CSMD1: variants seen among roughly 807,000 people sequenced by gnomAD.
CSMD1 encodes the protein CUB and sushi domain-containing protein 1.
A neutral mutation model predicts 417.5 loss-of-function variants in CSMD1; 213 were observed. That is an observed-to-expected ratio of 0.51 (90% CI 0.46 to 0.57). The LOEUF (loss-of-function observed/expected upper bound fraction) is 0.57. Among genes scored for constraint, CSMD1 ranks in the 20% least tolerant of loss-of-function variants. The probability of loss-of-function intolerance (pLI) is 0.00; values close to 1 mark genes in which losing one functional copy is unlikely to be tolerated. For synonymous variants in CSMD1, 2,862 were observed against 1,736.8 expected (o/e 1.65, Z -16.11); for missense variants, 6,923 against 4,529.7 (o/e 1.53, Z -15.17).
intron 5 of CSMD1, among the ~76,000 whole-genome samples, chr8:3,823,945 C>G (rs982987704): frequency 1.2e-4 from 18 of 152,102 alleles, no homozygotes; most frequent in African/African-American, 4.3e-4. Context: ...TAATTTTATA[C>G]AAACAGATCA....
At chr8:4,210,721 C>T (rs1015941208) in intron 3 of CSMD1, among the ~76,000 whole-genome samples, 30 of 152,074 alleles carry the variant, frequency 2.0e-4, no homozygotes, top group Non-Finnish European at 1.5e-5. Context: ...ATGTTAAACA[C>T]TAAAAATCAC....
intron 5 of CSMD1, among the ~76,000 whole-genome samples, chr8:3,924,769 T>C (rs924560272): frequency 7.0e-6 from 1 of 141,874 alleles, no homozygotes; most frequent in African/African-American, 2.4e-5. Flanking sequence ...CTTGTTTTTC[T>C]GGTACTCTTC....
At chr8:3,113,402 G>A (rs1352452665) in intron 42 of CSMD1, 1 of 152,280 alleles carries the variant, frequency 6.6e-6, no homozygotes, top group Non-Finnish European at 1.5e-5. Flanking sequence ...TGCTGGGCAA[G>A]ACAGTGAAGG....
intron 1 of CSMD1, among the ~76,000 whole-genome samples, chr8:4,774,092 G>A (rs747318233): frequency 6.6e-6 from 1 of 152,176 alleles, no homozygotes; most frequent in South Asian, 2.1e-4. Flanking sequence ...AGCTACTCAG[G>A]AGGCTGAGGC....
intron 3 of CSMD1, among the ~76,000 whole-genome samples, chr8:4,329,991 C>T (rs1274237384): frequency 1.3e-5 from 2 of 152,076 alleles, no homozygotes; most frequent in Non-Finnish European, 2.9e-5. Flanking sequence ...CAAGCAGATG[C>T]CAGCACCATG....
intron 2 of CSMD1, among the ~76,000 whole-genome samples, chr8:4,466,622 T>A (rs990248822): frequency 3.3e-5 from 5 of 152,198 alleles, no homozygotes; most frequent in African/African-American, 9.6e-5. Flanking sequence ...CCAGTTCAAT[T>A]TTTTGACTTT....
At chr8:3,037,793 G>A (rs1312890657) in intron 50 of CSMD1, among the ~76,000 whole-genome samples, 1 of 152,152 alleles carries the variant, frequency 6.6e-6, no homozygotes, top group African/African-American at 2.4e-5. Flanking sequence ...AGTAATTTAT[G>A]GGCTCACCTG....
chr8:4,959,462 G>C (rs1237363595), intron 1 of CSMD1, among the ~76,000 whole-genome samples: 3 of 152,204 alleles, frequency 2.0e-5, no homozygotes, highest in Non-Finnish European at 2.9e-5. Context: ...TGCACAGAGA[G>C]GCAACGCCCT....
chr8:4,053,649 T>C (rs766035064), intron 3 of CSMD1, among the ~76,000 whole-genome samples: 12 of 152,144 alleles, frequency 7.9e-5, no homozygotes, highest in African/African-American at 2.9e-4. Context: ...TAGAGTGTCA[T>C]ATACATAGAA....
At chr8:2,974,191 A>G (rs1440014988) in intron 56 of CSMD1, among the ~76,000 whole-genome samples, 1 of 152,206 alleles carries the variant, frequency 6.6e-6, no homozygotes, top group Non-Finnish European at 1.5e-5. Flanking sequence ...ATGGCCGGCA[A>G]GCGTCCTCTC....
At chr8:3,860,290 A>G (rs1804610769) in intron 5 of CSMD1, among the ~76,000 whole-genome samples, 1 of 152,136 alleles carries the variant, frequency 6.6e-6, no homozygotes, top group Non-Finnish European at 1.5e-5. Flanking sequence ...GCCCTTGGGA[A>G]ACGTCCATAA....
At chr8:3,343,230 G>A (rs1381097862) in intron 23 of CSMD1, 64 bp downstream of exon 23, 2 of 1,391,428 alleles carry the variant, frequency 1.4e-6, no homozygotes, top group African/African-American at 1.4e-5. Flanking sequence ...CTTAATATAA[G>A]CCAAGTATCA....
intron 3 of CSMD1, among the ~76,000 whole-genome samples, chr8:4,242,857 G>C (rs554182531): frequency 1.2e-4 from 19 of 152,256 alleles, no homozygotes; most frequent in African/African-American, 4.3e-4. Context: ...AGGTAAATTA[G>C]ATTAAAGCAT....
chr8:4,602,427 G>C (rs554304727), intron 2 of CSMD1, among the ~76,000 whole-genome samples: 3 of 152,238 alleles, frequency 2.0e-5, no homozygotes, highest in South Asian at 2.1e-4. Context: ...GGAACATGTT[G>C]TTGAAATATT....
intron 25 of CSMD1, among the ~76,000 whole-genome samples, chr8:3,289,608 GC>G (rs552851040): frequency 0.031 from 4,613 of 146,930 alleles, 912 homozygotes; most frequent in African/African-American, 0.11. Context: ...GTGTCTTTTG[GC>G]TGCATAAATG....
At chr8:4,006,302 G>C (rs938235127) in intron 4 of CSMD1, among the ~76,000 whole-genome samples, 2 of 152,204 alleles carry the variant, frequency 1.3e-5, no homozygotes, top group East Asian at 1.9e-4. Context: ...AAAAGCATTT[G>C]GGAGGCTGAG....
intron 3 of CSMD1, among the ~76,000 whole-genome samples, chr8:4,304,749 C>A (rs1798155045): frequency 1.3e-5 from 2 of 152,172 alleles, no homozygotes; most frequent in South Asian, 4.2e-4. Flanking sequence ...AAGAAAAGAC[C>A]AAAAAATAAA....
intron 19 of CSMD1, among the ~76,000 whole-genome samples, chr8:3,368,250 A>G (rs894565535): frequency 6.6e-6 from 1 of 152,248 alleles, no homozygotes; most frequent in Non-Finnish European, 1.5e-5. Context: ...AATAAAATGT[A>G]GCCATTTCAT....
intron 46 of CSMD1, among the ~76,000 whole-genome samples, chr8:3,105,652 A>G (rs983656675): frequency 6.6e-6 from 1 of 152,200 alleles, no homozygotes; most frequent in Non-Finnish European, 1.5e-5. Flanking sequence ...TATGTTAAAC[A>G]TATGTGAGAA....
Sources: allele counts gnomAD v4.1 joint callset (sites outside exome capture counted in the v4.1 genomes callset), GRCh38; gene constraint gnomAD v4.1.1; transcripts MANE v1.5; gene names NCBI Gene and HGNC (gene_info 2026-07-23, HGNC 2026-07-21).